Variants in RTN3 observed in about 807,000 individuals in gnomAD.
RTN3 encodes the protein reticulon 3, also known as reticulon-3.
Under a neutral mutation model 77.8 loss-of-function variants are expected in RTN3, and 49 were observed. The observed-to-expected ratio is 0.63, with a 90% CI of 0.50 to 0.80. The LOEUF (loss-of-function observed/expected upper bound fraction) is 0.80. Ranked by LOEUF, RTN3 falls within the 30% of genes least tolerant of loss-of-function variation. The pLI is 0.00. For missense variants in RTN3, 1,236 were observed against 1,211.9 expected (o/e 1.02, Z -0.29); for synonymous variants, 464 against 446.9 (o/e 1.04, Z -0.48).
chr11:63,726,926 A>G (rs928456999), intron 3 of RTN3, among the ~76,000 whole-genome samples: 2 of 149,976 alleles, frequency 1.3e-5, no homozygotes, highest in African/African-American at 4.9e-5. Context: ...ACAGTGGCTC[A>G]TGCCTGTAAT....
intron 3 of RTN3, among the ~76,000 whole-genome samples, chr11:63,741,204 TA>T (rs202135826): frequency 0.073 from 10,800 of 148,172 alleles, 503 homozygotes; most frequent in Middle Eastern, 0.11. Flanking sequence ...TTTATTTATT[TA>T]TTTATTTATT....
At chr11:63,724,839 C>T (rs1161969753) in intron 3 of RTN3, among the ~76,000 whole-genome samples, 5 of 151,486 alleles carry the variant, frequency 3.3e-5, no homozygotes, top group Admixed American at 1.3e-4. Flanking sequence ...CACAGATGTT[C>T]ATTATAGCAC....
chr11:63,746,211 C>T (rs1183122746), intron 3 of RTN3, among the ~76,000 whole-genome samples: 1 of 152,188 alleles, frequency 6.6e-6, no homozygotes, highest in African/African-American at 2.4e-5. Context: ...GTCCTAGCCT[C>T]ATTCTCTAAG....
Position 63,742,613 on chromosome 11 carries a change from C to G in RTN3, c.2531-7378C>G, listed in dbSNP as rs888455447. On this transcript the variant is annotated intron_variant, in intron 3 of 8. Transcript: ENST00000377819. ...TGAGCCGAGATCATGCCACTGCACT[C>G]CAGCCTGGGCAACAAGAACAAAACT... Among the ~76,000 whole-genome samples the G allele has an allele frequency of 2.0e-5, 3 of 152,042 alleles. No individual in the cohort carries two copies. In the East Asian group the frequency reaches 5.8e-4, roughly 30 times the overall value.
chr11:63,700,608 A>ATTT (rs138780236), intron 1 of RTN3, among the ~76,000 whole-genome samples: 2 of 126,768 alleles, frequency 1.6e-5, no homozygotes, highest in Non-Finnish European at 3.4e-5. Context: ...CATCCTTTTT[A>ATTT]TTTTTTTTTT....
rs1011671996 is a variant in RTN3 at position 63,701,076 on chromosome 11, G to A, written c.143-3775G>A. ...CTGCCCTCCATCCTGGTGACAGAGC[G>A]AGACTCCTTCTCAAAAAAAAAAAAA... is the stretch of plus-strand genomic sequence containing the variant. On this transcript the variant is annotated intron_variant, in intron 1 of 8. Coordinates refer to ENST00000377819, the MANE Select transcript of RTN3 (RefSeq NM_001265589.2). Among the ~76,000 whole-genome samples, 27 of 132,978 alleles carry A rather than the reference G, an allele frequency of 2.0e-4. 2 individuals carry two copies. In the South Asian group the frequency reaches 6.6e-3, roughly 33 times the overall value. The allele number at this position is 132,978 out of a possible 152,430, so 87.2% of individuals were successfully genotyped here.
At chr11:63,734,778 CA>C (rs1274537418) in intron 3 of RTN3, among the ~76,000 whole-genome samples, 30,025 of 142,334 alleles carry the variant, frequency 0.21, 3,307 homozygotes, top group Admixed American at 0.25. Context: ...CACACACACA[CA>C]CACCATACTG....
intron 1 of RTN3, among the ~76,000 whole-genome samples, chr11:63,686,321 T>C (rs1030067984): frequency 6.6e-6 from 1 of 151,618 alleles, no homozygotes; most frequent in East Asian, 2.0e-4. Context: ...ATACAAAAAA[T>C]TAGCCGGGCG....
chr11:63,711,277 CT>C (rs1196899384), intron 2 of RTN3, among the ~76,000 whole-genome samples: 1 of 151,528 alleles, frequency 6.6e-6, no homozygotes, highest in Non-Finnish European at 1.5e-5. Context: ...GAGACTGAGA[CT>C]GTCTCAAAAA....
intron 2 of RTN3, among the ~76,000 whole-genome samples, chr11:63,711,459 G>A (rs907840463): frequency 6.6e-6 from 1 of 150,932 alleles, no homozygotes. Flanking sequence ...GGTCAATTAG[G>A]GCTCACTGCA....
chr11:63,716,074 C>A (rs888042714), intron 2 of RTN3, among the ~76,000 whole-genome samples: 3 of 152,140 alleles, frequency 2.0e-5, no homozygotes, highest in Admixed American at 2.0e-4. Flanking sequence ...GCTTTGCCAC[C>A]AAGCTTTTAC....
At chr11:63,701,617 G>A (rs915196116) in intron 1 of RTN3, among the ~76,000 whole-genome samples, 30 of 151,946 alleles carry the variant, frequency 2.0e-4, no homozygotes, top group African/African-American at 7.0e-4. Flanking sequence ...CATGTCACAT[G>A]GCAAAAACAG....
chr11:63,734,189 A>G (rs1158340158), intron 3 of RTN3, among the ~76,000 whole-genome samples: 1 of 152,034 alleles, frequency 6.6e-6, no homozygotes, highest in African/African-American at 2.4e-5. Flanking sequence ...TGTATACAAC[A>G]TACTGGAGGT....
chr11:63,757,226 T>G (rs918313571), intron 8 of RTN3, among the ~76,000 whole-genome samples: 6 of 152,264 alleles, frequency 3.9e-5, no homozygotes, highest in Non-Finnish European at 7.3e-5. Context: ...AATTAATAAA[T>G]CAGGAAATAA....
chr11:63,727,067 T>A (rs1565327898), intron 3 of RTN3, among the ~76,000 whole-genome samples: 1 of 151,950 alleles, frequency 6.6e-6, no homozygotes, highest in Non-Finnish European at 1.5e-5. Flanking sequence ...GGCCTGTGCC[T>A]GTAGTCCCTG....
intron 1 of RTN3, among the ~76,000 whole-genome samples, chr11:63,683,240 T>C (rs561687223): frequency 6.6e-6 from 1 of 152,342 alleles, no homozygotes; most frequent in Admixed American, 6.5e-5. Flanking sequence ...CCCTGTCTCC[T>C]TTAAACCACC....
intron 3 of RTN3, among the ~76,000 whole-genome samples, chr11:63,735,550 T>TTCTCTCTCTCTCTCTCTC (rs71468640): frequency 0.012 from 529 of 42,696 alleles, 120 homozygotes; most frequent in East Asian, 0.019. Context: ...ATTCTAACAT[T>TTCTCTCTCTCTCTCTCTC]TCTCTCTCTC....
At chr11:63,734,019 T>G (rs747484136) in intron 3 of RTN3, among the ~76,000 whole-genome samples, 11 of 152,210 alleles carry the variant, frequency 7.2e-5, no homozygotes, top group Admixed American at 2.0e-4. Flanking sequence ...AAAAGTTCGA[T>G]ATCCTTTTCT....
intron 2 of RTN3, among the ~76,000 whole-genome samples, chr11:63,715,059 C>T (rs2134789075): frequency 6.6e-6 from 1 of 152,268 alleles, no homozygotes; most frequent in South Asian, 2.1e-4. Context: ...CATGAATATT[C>T]TTTGGTTAGC....
Sources: allele counts gnomAD v4.1 joint callset (sites outside exome capture counted in the v4.1 genomes callset), GRCh38; gene constraint gnomAD v4.1.1; transcripts MANE v1.5; gene names NCBI Gene and HGNC (gene_info 2026-07-23, HGNC 2026-07-21).